The following TRIML2 variants were observed in gnomAD, a reference collection of about 807,000 sequenced individuals.
TRIML2 encodes the protein probable E3 ubiquitin-protein ligase TRIML2.
A neutral mutation model predicts 31.2 loss-of-function variants in TRIML2; 28 were observed. That is an observed-to-expected ratio of 0.90 (90% confidence interval 0.66 to 1.23). The LOEUF (loss-of-function observed/expected upper bound fraction) is 1.23, where lower values mean the gene tolerates loss of function less well. Among genes scored for constraint, TRIML2 ranks in the 50% most tolerant of loss-of-function variants. The pLI, the probability that TRIML2 is intolerant of heterozygous loss-of-function variation, is 0.00. For synonymous variants in TRIML2, 187 were observed against 197.5 expected (o/e 0.95, Z 0.45); for missense variants, 536 against 528.3 (o/e 1.01, Z -0.14).
intron 5 of TRIML2, among the ~76,000 whole-genome samples, chr4:188,097,777 G>T (rs532576774): frequency 6.6e-6 from 1 of 152,284 alleles, no homozygotes; most frequent in Admixed American, 6.5e-5. Context: ...CTTTCCAGAT[G>T]AGCGCATTCA....
chr4:188,103,897 C>T (rs1421140267), intron 3 of TRIML2, among the ~76,000 whole-genome samples: 1 of 152,076 alleles, frequency 6.6e-6, no homozygotes, highest in Non-Finnish European at 1.5e-5. Flanking sequence ...CTTACCTAGC[C>T]AGGCAATTCT....
chr4:188,097,105 A>G lies in TRIML2; in HGVS notation c.701T>C (p.Leu234Ser). The change falls in exon 7 of 8, where the codon TTA (leucine) becomes TCA (serine). Residue 234 changes from leucine to serine, a missense_variant. Coordinates refer to ENST00000682553, the MANE Select transcript of TRIML2 (RefSeq NM_173553.4). ...LEPAHITDLSLCHIRGLSSMF... is the reference protein window; with the variant it reads ...LEPAHITDLSSCHIRGLSSMF... ...GCTGCTGAGTCCTCTTATGTGGCAT[A>G]AACTCAGGTCTGTGATATGAGCGGG... 1 of 1,614,168 alleles carries G rather than the reference A, an allele frequency of 6.2e-7. No individual in the cohort carries two copies. The highest frequency in any genetic ancestry group is 8.5e-7 in the Non-Finnish European group (1 of 1,180,016).
At position 188,094,098 on chromosome 4, in the gene TRIML2, AAAAACAAAAAC is replaced by A. The variant is rs1560946811; in HGVS notation, c.746-2168_746-2158del. ...AGAGCCAGACAGCATCTCAAAAAAC[AAAAACAAAAAC>A]AAAAACAAAAACAAAAACAAAAAAC... On this transcript the variant is annotated intron_variant, in intron 7 of 7. Coordinates refer to ENST00000682553, the MANE Select transcript of TRIML2 (RefSeq NM_173553.4). 2.4e-4 allele frequency among the ~76,000 whole-genome samples: 32 copies of A among 133,432 alleles called. 1 individual carries two copies. Among genetic ancestry groups the A allele is most frequent in the South Asian group, 1.7e-3 (7 of 4,214 alleles). 87.5% of individuals were successfully genotyped at this position (133,432 alleles called of 152,430 possible).
rs780482233 is a variant in TRIML2 at position 188,092,761 on chromosome 4, C to T, written c.746-820G>A. 4 of 454,556 alleles carry T rather than the reference C, an allele frequency of 8.8e-6. No individual in the cohort carries two copies. In the East Asian group the frequency reaches 2.8e-4, roughly 32 times the overall value. 28.2% of individuals were successfully genotyped at this position (454,556 alleles called of 1,614,324 possible). ...TAATTTATCAGCGGAGGATGGAACACCTGTGTGGACCCTCCAGAAACTCAC... is the reference window on the plus strand; with the variant it reads ...TAATTTATCAGCGGAGGATGGAACATCTGTGTGGACCCTCCAGAAACTCAC... On this transcript the variant is annotated intron_variant, in intron 7 of 7. Coordinates refer to ENST00000682553, the MANE Select transcript of TRIML2 (RefSeq NM_173553.4).
At chr4:188,092,535 A>G (rs981807381) in intron 7 of TRIML2, among the ~76,000 whole-genome samples, 2 of 152,134 alleles carry the variant, frequency 1.3e-5, no homozygotes, top group Non-Finnish European at 2.9e-5. Context: ...CCTGGTGCCA[A>G]GTTCCATCCA....
intron 1 of TRIML2, among the ~76,000 whole-genome samples, chr4:188,107,178 C>G (rs887050894): frequency 6.6e-6 from 1 of 152,178 alleles, no homozygotes; most frequent in East Asian, 1.9e-4. Context: ...CCACACCCAG[C>G]TAATTTTTTG....
intron 1 of TRIML2, among the ~76,000 whole-genome samples, chr4:188,108,975 C>T (rs35306370): frequency 3.3e-5 from 5 of 151,982 alleles, no homozygotes; most frequent in South Asian, 2.1e-4. Context: ...ATATTGTAAA[C>T]GATATTTTAT....
chr4:188,093,840 C>T (rs1733376683), intron 7 of TRIML2, among the ~76,000 whole-genome samples: 1 of 151,960 alleles, frequency 6.6e-6, no homozygotes, highest in South Asian at 2.1e-4. Context: ...TGCGGTGGCT[C>T]ACGCCTTTAA....
intron 1 of TRIML2, chr4:188,106,054 C>CT (rs35483900): frequency 0.029 from 4,257 of 145,442 alleles, 75 homozygotes; most frequent in Middle Eastern, 0.046. Flanking sequence ...AACAGCTCCT[C>CT]TTTTTTTTTT....
intron 5 of TRIML2, among the ~76,000 whole-genome samples, 182 bp from the exon 6 acceptor site, chr4:188,097,528 A>G (rs989659885): frequency 6.6e-6 from 1 of 152,160 alleles, no homozygotes; most frequent in Non-Finnish European, 1.5e-5. Flanking sequence ...AAAATGCATG[A>G]AATCATTTTG....
Position 188,105,397 on chromosome 4 carries a change from G to T in TRIML2, c.-29C>A. 2 of 1,508,490 alleles carry T rather than the reference G, an allele frequency of 1.3e-6. No homozygotes were observed. Among genetic ancestry groups the T allele is most frequent in the Non-Finnish European group, 1.8e-6 (2 of 1,117,148 alleles). The allele number at this position is 1,508,490 out of a possible 1,614,324, so 93.4% of individuals were successfully genotyped here. A position where few individuals can be genotyped will look rare whatever the true frequency, so the allele number is the denominator to read the frequency against. On this transcript the variant is annotated 5_prime_UTR_variant, in exon 2 of 8. Transcript: ENST00000682553. ...GGTAGGGGTCCCTAGTTGAAGACTG[G>T]ACTGTATGCTTCTACTGAGGTATCT...
rs775295928 is a variant in TRIML2, at chr4:188,105,207, C to T, written c.162G>A (p.Gly54=). Residue 54 remains glycine, a synonymous_variant, in exon 2 of 8, where the codon GGG becomes GGA. Coordinates refer to ENST00000682553, the MANE Select transcript of TRIML2 (RefSeq NM_173553.4). ...TGTAATTCTCAGCAGCCTCTTGTAT[C>T]CCACACACCATGTGATGTTTGTGCT... ...SQEHKHHMVC[G]IQEAAENYRK... 1 of 1,607,532 alleles carries T rather than the reference C, an allele frequency of 6.2e-7. No homozygotes were observed. The highest frequency in any genetic ancestry group is 1.1e-5 in the South Asian group (1 of 90,948).
Position 188,101,099 on chromosome 4 carries a change from T to C in TRIML2, c.437A>G (p.Lys146Arg), listed in dbSNP as rs1388465587. The change falls in exon 4 of 8, where the codon AAG (lysine) becomes AGG (arginine). Residue 146 changes from lysine to arginine, a missense_variant. Coordinates refer to ENST00000682553, the MANE Select transcript of TRIML2 (RefSeq NM_173553.4). ...LRETLLNQAI[K>R]LATELEEMFQ... is the part of the protein sequence containing the mutation. ...CATCTCCTCTAGCTCGGTGGCAAGC[T>C]TGATCGCTTGATTCAGAAGGGTTTC... The C allele has an allele frequency of 2.5e-6, 4 of 1,613,630 alleles. No individual in the cohort carries two copies. Among genetic ancestry groups the C allele is most frequent in the Non-Finnish European group, 3.4e-6 (4 of 1,179,838 alleles).
intron 5 of TRIML2, chr4:188,098,340 T>C (rs1043877153): frequency 1.7e-5 from 7 of 405,620 alleles, no homozygotes; most frequent in Non-Finnish European, 3.5e-5. Flanking sequence ...ATCTCCAGCC[T>C]CACAAGCTGA....
intron 3 of TRIML2, among the ~76,000 whole-genome samples, chr4:188,104,189 A>G (rs1014814645): frequency 1.3e-5 from 2 of 152,174 alleles, no homozygotes; most frequent in Non-Finnish European, 2.9e-5. Flanking sequence ...CTTTTTGATC[A>G]TTGCAAATAG....
chr4:188,097,757 C>T (rs1247929928), intron 5 of TRIML2, among the ~76,000 whole-genome samples: 1 of 152,120 alleles, frequency 6.6e-6, no homozygotes, highest in Non-Finnish European at 1.5e-5. Context: ...TAAGGATTTA[C>T]CTACAGACGC....
chr4:188,097,704 C>T (rs1475061647), intron 5 of TRIML2, among the ~76,000 whole-genome samples: 1 of 152,156 alleles, frequency 6.6e-6, no homozygotes, highest in Non-Finnish European at 1.5e-5. Flanking sequence ...GGGAGCCAGG[C>T]AGAGCCACAC....
intron 5 of TRIML2, 113 bp from the exon 6 acceptor site, chr4:188,097,459 A>G (rs10004012): frequency 0.13 from 123,404 of 959,694 alleles, 14,439 homozygotes; most frequent in East Asian, 0.57. Context: ...CATTTCTTCA[A>G]CCTCATAATG....
intron 2 of TRIML2, 48 bp downstream of exon 2, chr4:188,105,132 T>G (rs1733971042): frequency 6.4e-7 from 1 of 1,570,766 alleles, no homozygotes; most frequent in African/African-American, 1.3e-5. Context: ...ATTTCATCCA[T>G]ATAGGAGTTG....
Sources: allele counts gnomAD v4.1 joint callset (sites outside exome capture counted in the v4.1 genomes callset), GRCh38; gene constraint gnomAD v4.1.1; transcripts MANE v1.5; gene names NCBI Gene and HGNC (gene_info 2026-07-23, HGNC 2026-07-21).